The following GALNT6 variants were observed in gnomAD, a reference collection of about 807,000 sequenced individuals.
GALNT6 encodes GalNAc transferase 6.
A neutral mutation model predicts 65.9 loss-of-function variants in GALNT6; 51 were observed. The observed-to-expected ratio is 0.77, with a 90% confidence interval of 0.62 to 0.98. GALNT6 has a LOEUF of 0.98. Ranked by LOEUF, GALNT6 falls within the 50% of genes least tolerant of loss-of-function variation. The pLI is 0.00. For synonymous variants in GALNT6, 323 were observed against 315.1 expected, an observed-to-expected ratio of 1.02 and a Z score of -0.26; for missense variants, 708 against 803.3, an observed-to-expected ratio of 0.88 and a Z score of 1.43.
rs768372031 is a variant in GALNT6, at chr12:51,359,171, G to C, written c.1329C>G (p.Phe443Leu). Residue 443 changes from phenylalanine (F) to leucine (L), a missense_variant, in exon 8 of 12, where the codon TTC becomes TTG. Coordinates refer to ENST00000356317, the MANE Select transcript of GALNT6 (RefSeq NM_007210.4). ...EVWMDSYKKI[F>L]YRRNLQAAKM... ...TTGCTGCCTGCAGATTTCTCCTATA[G>C]AAAATCTTCTTGTAGCTGTCCATCC... The C allele has an allele frequency of 1.7e-5, 28 of 1,613,980 alleles. No homozygotes were observed. In the South Asian group the frequency reaches 2.7e-4, roughly 16 times the overall value.
Position 51,360,783 on chromosome 12 carries a change from T to C in GALNT6, c.1105A>G (p.Ile369Val), listed in dbSNP as rs1946898682. The C allele has an allele frequency of 1.2e-6, 2 of 1,613,708 alleles. No individual in the cohort carries two copies. The highest frequency in any genetic ancestry group is 1.7e-5 in the Admixed American group (1 of 60,010). ...FSISKSYFEH[I>V]GTYDNQMEIW... ...TCCATCTGATTATCATAGGTACCGATGTGCTCAAAGTAGGACTTGGAGATG... is the reference window on the plus strand; with the variant it reads ...TCCATCTGATTATCATAGGTACCGACGTGCTCAAAGTAGGACTTGGAGATG... Residue 369 changes from isoleucine to valine, a missense_variant, in exon 7 of 12, where the codon ATC (isoleucine) becomes GTC (valine). Physicochemically the swap from Ile to Val is conservative, Grantham distance 29. Coordinates refer to ENST00000356317, the MANE Select transcript of GALNT6 (RefSeq NM_007210.4).
intron 4 of GALNT6, among the ~76,000 whole-genome samples, chr12:51,374,139 C>T (rs1484782112): frequency 6.6e-6 from 1 of 152,016 alleles, no homozygotes; most frequent in African/African-American, 2.4e-5. Context: ...GGATTACAGG[C>T]ATGAGCTACT....
In GALNT6 at chr12:51,384,083, C is replaced by G. The variant is rs74093890; in HGVS notation, c.-103-4199G>C. On this transcript the variant is annotated intron_variant, in intron 2 of 11. Transcript: ENST00000356317. Reference sequence around the variant, plus strand: ...CCGCAGCCCCCATCCACTCATTTCCCTCTCGCTGTGGCTCAGCACTTCTTC... The same window carrying G: ...CCGCAGCCCCCATCCACTCATTTCCGTCTCGCTGTGGCTCAGCACTTCTTC... Among the ~76,000 whole-genome samples the G allele has an allele frequency of 5.6e-3, 856 of 152,270 alleles. 9 individuals are homozygous for G. Among genetic ancestry groups the G allele is most frequent in the African/African-American group, 0.019 (805 of 41,534 alleles).
chr12:51,365,527 C>G lies in GALNT6; in HGVS notation c.717G>C (p.Arg239Ser), dbSNP rs770856896. Residue 239 changes from arginine to serine, a missense_variant, in exon 5 of 12, where the codon AGG (arginine) becomes AGC (serine). Arg to Ser is a moderately radical substitution (Grantham distance 110). Transcript: ENST00000356317. ...CCTTCCGCTCCTCCTGCCGCACCAC[C>G]CTCACCACCTGCAGCTGCTTCACGT... Reference protein sequence around the residue: ...EQYVKQLQVVRVVRQEERKGL... With the variant: ...EQYVKQLQVVSVVRQEERKGL... 1 of 1,613,202 alleles carries G rather than the reference C, an allele frequency of 6.2e-7. No individual in the cohort carries two copies. The highest frequency in any genetic ancestry group is 8.5e-7 in the Non-Finnish European group (1 of 1,180,008).
rs371358584 is a variant in GALNT6, at chr12:51,355,911, C to T, written c.1650G>A (p.Lys550=). The part of the protein sequence containing the change: ...TQRDLRHNIA[K]QLCLHVSKGA... ...CCTTGCTGACATGTAGACACAGCTG[C>T]TTTGCGATGTTGTGGCGAAGGTCCC... The change falls in exon 11 of 12, where the codon AAG becomes AAA. Residue 550 remains lysine (K), a synonymous_variant. Coordinates refer to ENST00000356317, the MANE Select transcript of GALNT6 (RefSeq NM_007210.4). 7.4e-6 allele frequency: 12 copies of T among 1,613,692 alleles called. No individual in the cohort carries two copies. In the African/African-American group the frequency reaches 1.3e-4, roughly 18 times the overall value.
chr12:51,361,830 T>C (rs1289443427), intron 6 of GALNT6, among the ~76,000 whole-genome samples: 1 of 151,704 alleles, frequency 6.6e-6, no homozygotes, highest in Non-Finnish European at 1.5e-5. Context: ...CTGCCCTCAG[T>C]GGGCAGCTTC....
Position 51,377,322 on chromosome 12 carries a change from G to C in GALNT6, c.537C>G (p.Thr179=), listed in dbSNP as rs752608048. The C allele has an allele frequency of 8.1e-6, 13 of 1,612,944 alleles. No individual in the cohort carries two copies. In the Admixed American group the frequency reaches 1.2e-4, roughly 14 times the overall value. ...CGTTGTGGAACACAATGATCACGCT[G>C]GTGGTGGCCAGTGGGGGGCAGCGCC... ...KFRRCPPLAT[T]SVIIVFHNEA... is the part of the protein sequence containing the mutation. Residue 179 remains threonine, a synonymous_variant, in exon 4 of 12, where the codon ACC becomes ACG. Transcript: ENST00000356317.
intron 4 of GALNT6, 96 bp from the exon 5 acceptor site, chr12:51,365,675 G>C: frequency 7.7e-7 from 1 of 1,305,868 alleles, no homozygotes; most frequent in Non-Finnish European, 1.1e-6. Context: ...CCTCTAGCAG[G>C]CCTGAATTTT....
In GALNT6 at chr12:51,379,888, A is replaced by C; in HGVS notation, c.-103-4T>G. ...GGCCACAAGCTGGGGCCTCAGCCTG[A>C]GAAAGGAGGGGACAAGAGAGAGAAG... On this transcript the variant is annotated splice_polypyrimidine_tract_variant and splice_region_variant and intron_variant, in intron 2 of 11. Coordinates refer to ENST00000356317, the MANE Select transcript of GALNT6 (RefSeq NM_007210.4). 8.5e-7 allele frequency: 1 copy of C among 1,176,794 alleles called. No individual in the cohort carries two copies. The highest frequency in any genetic ancestry group is 1.2e-6 in the Non-Finnish European group (1 of 857,082). The allele number at this position is 1,176,794 out of a possible 1,614,324, so 72.9% of individuals were successfully genotyped here. A position where few individuals can be genotyped will look rare whatever the true frequency, so the allele number is the denominator to read the frequency against.
At chr12:51,373,860 A>G (rs1947367508) in intron 4 of GALNT6, among the ~76,000 whole-genome samples, 2 of 151,810 alleles carry the variant, frequency 1.3e-5, no homozygotes, top group Admixed American at 6.6e-5. Context: ...GCCTTGATTT[A>G]TTTATTATTT....
chr12:51,365,554 C>T lies in GALNT6; in HGVS notation c.690G>A (p.Gln230=). The change falls in exon 5 of 12, where the codon CAG becomes CAA. Residue 230 remains glutamine, a synonymous_variant. Transcript: ENST00000356317. ...TCACCACCTGCAGCTGCTTCACGTA[C>T]TGCTCCAGCTTCTCCTTTAGGTGCT... is the stretch of plus-strand genomic sequence containing the variant. The part of the protein sequence containing the change: ...TEEHLKEKLE[Q]YVKQLQVVRV... The T allele has an allele frequency of 6.2e-7, 1 of 1,613,698 alleles. No individual in the cohort carries two copies.
At position 51,354,388 on chromosome 12, in the gene GALNT6, G is replaced by A. The variant is rs779610551; in HGVS notation, c.1860C>T (p.Leu620=). 3.2e-6 allele frequency: 5 copies of A among 1,551,818 alleles called. No individual in the cohort carries two copies. The East Asian group carries it at 1.2e-4, about 38-fold the overall frequency. The change falls in exon 12 of 12, where the codon CTC becomes CTT. Residue 620 remains leucine, a synonymous_variant. Coordinates refer to ENST00000356317, the MANE Select transcript of GALNT6 (RefSeq NM_007210.4). ...GGGGATGATCTGGGTCCTAGACAAA[G>A]AGCCACAACTGATGGGGGTCACTGG... ...CNPSDPHQLW[L]FV is the part of the protein sequence containing the mutation.
Position 51,373,937 on chromosome 12 carries a change from G to A in GALNT6, c.664+3258C>T, listed in dbSNP as rs372181066. 7.9e-5 allele frequency among the ~76,000 whole-genome samples: 12 copies of A among 152,166 alleles called. No homozygotes were observed. The East Asian group carries it at 1.2e-3, about 15-fold the overall frequency. The stretch of plus-strand genomic sequence containing the variant: ...TACAATGGTGCAGTCAAGGCTCACT[G>A]CAGTCTCAGCCTGCTGGGCTCAAGC... On this transcript the variant is annotated intron_variant, in intron 4 of 11. Coordinates refer to ENST00000356317, the MANE Select transcript of GALNT6 (RefSeq NM_007210.4).
intron 2 of GALNT6, among the ~76,000 whole-genome samples, chr12:51,385,508 C>T (rs144954032): frequency 0.011 from 1,743 of 152,090 alleles, 15 homozygotes; most frequent in South Asian, 0.017. Flanking sequence ...TTTGGGATGC[C>T]CTGTCACATA....
chr12:51,359,397 G>T, intron 7 of GALNT6, 65 bp from the exon 8 acceptor site: 2 of 1,122,764 alleles, frequency 1.8e-6, no homozygotes, highest in Non-Finnish European at 2.6e-6. Flanking sequence ...CCCATAAGCA[G>T]CTCTATTCTA....
chr12:51,384,059 C>T (rs1171686178), intron 2 of GALNT6, among the ~76,000 whole-genome samples: 3 of 152,260 alleles, frequency 2.0e-5, no homozygotes, highest in Non-Finnish European at 4.4e-5. Context: ...CAAGTGTGCC[C>T]GCAGCCCCCA....
chr12:51,352,820 C>G lies in GALNT6; in HGVS notation c.*1559G>C, dbSNP rs915944319. 3 of 152,130 alleles carry G rather than the reference C, an allele frequency of 2.0e-5. No homozygotes were observed. Among genetic ancestry groups the G allele is most frequent in the Admixed American group, 2.0e-4 (3 of 15,264 alleles). 9.4% of individuals were successfully genotyped at this position (152,130 alleles called of 1,614,324 possible). On this transcript the variant is annotated 3_prime_UTR_variant, in exon 12 of 12. Transcript: ENST00000356317. ...TTGAGTAGCTGGGATTACAGGTGTGCGCCACCATGCCTGGCTAATTTTTAT... is the reference window on the plus strand; with the variant it reads ...TTGAGTAGCTGGGATTACAGGTGTGGGCCACCATGCCTGGCTAATTTTTAT...
In GALNT6 at chr12:51,366,318, C is replaced by T. The variant is rs376372404; in HGVS notation, c.665-739G>A. 1.1e-4 allele frequency among the ~76,000 whole-genome samples: 16 copies of T among 152,292 alleles called. No homozygotes were observed. In the East Asian group the frequency reaches 1.2e-3, roughly 11 times the overall value. ...GCTGCAATTCCACAGCTCCATTGCA[C>T]GGTTGTTTTCCAGTGTCTAGGATTC... On this transcript the variant is annotated intron_variant, in intron 4 of 11. Coordinates refer to ENST00000356317, the MANE Select transcript of GALNT6 (RefSeq NM_007210.4).
rs762092488 is a variant in GALNT6 at position 51,358,258 on chromosome 12, A to C, written c.1372T>G (p.Ser458Ala). 9 of 1,610,142 alleles carry C rather than the reference A, an allele frequency of 5.6e-6. No homozygotes were observed. Among genetic ancestry groups the C allele is most frequent in the East Asian group, 4.5e-5 (2 of 44,732 alleles). The stretch of plus-strand genomic sequence containing the variant: ...AGTCGTTCCGAAATGTCACCGAAGG[A>C]TTTCTGTCAATCAAGCCAGCCCCCT... ...LQAAKMAQEKSFGDISERLQL... is the reference protein window; with the variant it reads ...LQAAKMAQEKAFGDISERLQL... Residue 458 changes from serine to alanine, a missense_variant, in exon 9 of 12, where the codon TCC becomes GCC. Physicochemically the swap from Ser to Ala is moderately conservative, Grantham distance 99 (BLOSUM62 1). Coordinates refer to ENST00000356317, the MANE Select transcript of GALNT6 (RefSeq NM_007210.4).
Sources: allele counts gnomAD v4.1 joint callset (sites outside exome capture counted in the v4.1 genomes callset), GRCh38; gene constraint gnomAD v4.1.1; transcripts MANE v1.5; gene names NCBI Gene and HGNC (gene_info 2026-07-23, HGNC 2026-07-21).